Variants in SLC25A48 observed in about 807,000 individuals in gnomAD.
SLC25A48 encodes the protein CTC-321K16.1.
SLC25A48 carries 29 observed loss-of-function variants against 32.2 expected under a neutral mutation model. The ratio of observed to expected loss-of-function variants is 0.90; its 90% CI spans 0.67 to 1.23. SLC25A48 has a LOEUF of 1.23. SLC25A48 is among the 50% of genes most tolerant of loss of function. The probability of loss-of-function intolerance (pLI) is 0.00; values close to 1 mark genes in which losing one functional copy is unlikely to be tolerated. For synonymous variants in SLC25A48, 164 were observed against 172.3 expected, an observed-to-expected ratio of 0.95 and a Z score of 0.38; for missense variants, 399 against 422.7, an observed-to-expected ratio of 0.94 and a Z score of 0.49.
rs148264903 is a variant in SLC25A48 at position 135,655,600 on chromosome 5, G to A, written c.-521+20644G>A. Among the ~76,000 whole-genome samples, 44 of 152,308 alleles carry A rather than the reference G, an allele frequency of 2.9e-4. No individual in the cohort carries two copies. In the South Asian group the frequency reaches 2.9e-3, roughly 10 times the overall value. ...CATAGTACGCTCTACATCAGCCCTG[G>A]TGGTCTTCAGTGTGGGGACAGATTT... On this transcript the variant is annotated intron_variant, in intron 3 of 10. Transcript: ENST00000646290.
chr5:135,643,918 G>A (rs1752898153), intron 3 of SLC25A48, among the ~76,000 whole-genome samples: 1 of 152,172 alleles, frequency 6.6e-6, no homozygotes, highest in South Asian at 2.1e-4. Context: ...AGAGAGCTAA[G>A]TAACTTGACC....
intron 1 of SLC25A48, among the ~76,000 whole-genome samples, chr5:135,583,065 C>T (rs557582244): frequency 3.9e-5 from 6 of 152,234 alleles, no homozygotes; most frequent in African/African-American, 1.4e-4. Flanking sequence ...AGCAGGGGTT[C>T]ACTCCCTATC....
chr5:135,802,015 C>G (rs527421265), intron 3 of SLC25A48, among the ~76,000 whole-genome samples: 1 of 151,782 alleles, frequency 6.6e-6, no homozygotes, highest in Non-Finnish European at 1.5e-5. Flanking sequence ...AGATAAGATG[C>G]TATTACACCC....
intron 3 of SLC25A48, among the ~76,000 whole-genome samples, chr5:135,794,019 G>A (rs923892201): frequency 7.9e-5 from 12 of 151,816 alleles, no homozygotes; most frequent in Non-Finnish European, 1.5e-4. Flanking sequence ...TAATATTCAG[G>A]GGGGAAATTA....
rs1178102152 is a variant in SLC25A48 at position 135,785,017 on chromosome 5, G to T, written c.-520-27506G>T. 1.3e-5 allele frequency among the ~76,000 whole-genome samples: 2 copies of T among 150,852 alleles called. 1 individual carries two copies. Among genetic ancestry groups the T allele is most frequent in the Non-Finnish European group, 3.0e-5 (2 of 67,580 alleles). Reference sequence around the variant, plus strand: ...ACAAATATTTTTCTTAATATCATAAGGTGGACAGGATGATATTACTCCCAA... The same window carrying T: ...ACAAATATTTTTCTTAATATCATAATGTGGACAGGATGATATTACTCCCAA... On this transcript the variant is annotated intron_variant, in intron 3 of 10. Coordinates refer to the SLC25A48 transcript ENST00000646290.
intron 3 of SLC25A48, among the ~76,000 whole-genome samples, chr5:135,664,254 C>G (rs1207290978): frequency 6.6e-6 from 1 of 152,238 alleles, no homozygotes; most frequent in African/African-American, 2.4e-5. Flanking sequence ...ATTCTGACCA[C>G]CTTGGCTTTG....
intron 3 of SLC25A48, among the ~76,000 whole-genome samples, chr5:135,793,429 C>T: frequency 6.6e-6 from 1 of 151,614 alleles, no homozygotes; most frequent in Non-Finnish European, 1.5e-5. Flanking sequence ...TTTGTTTACA[C>T]CATATTTGTA....
chr5:135,689,135 A>G lies in SLC25A48; in HGVS notation c.-521+54179A>G, dbSNP rs996893324. ...TTGCTGCTTCTGATCATTGGTTTGC[A>G]TGAAATCAATGAGATAAGCCAAATA... On this transcript the variant is annotated intron_variant, in intron 3 of 10. Transcript: ENST00000646290. Among the ~76,000 whole-genome samples, 3 of 152,206 alleles carry G rather than the reference A, an allele frequency of 2.0e-5. No homozygotes were observed. In the East Asian group the frequency reaches 5.8e-4, roughly 29 times the overall value.
chr5:135,843,620 C>T lies in SLC25A48; in HGVS notation c.90+1161C>T, dbSNP rs531173647. 4.6e-5 allele frequency among the ~76,000 whole-genome samples: 7 copies of T among 152,290 alleles called. No homozygotes were observed. The South Asian group carries it at 1.5e-3, about 32-fold the overall frequency. On this transcript the variant is annotated intron_variant, in intron 2 of 7. Coordinates refer to ENST00000681962, the MANE Select transcript of SLC25A48 (RefSeq NM_001349336.2). ...TATTTTGAAGAGTCAGGGATGGCCT[C>T]TCTGCCAGGGAGGCAGCTAAGTTGA...
intron 3 of SLC25A48, among the ~76,000 whole-genome samples, chr5:135,741,174 G>A (rs1183208461): frequency 6.6e-6 from 1 of 152,140 alleles, no homozygotes; most frequent in African/African-American, 2.4e-5. Context: ...TCACAGCAGT[G>A]GTGTGGATGG....
intron 3 of SLC25A48, among the ~76,000 whole-genome samples, chr5:135,696,915 T>C (rs1754281184): frequency 6.6e-6 from 1 of 152,128 alleles, no homozygotes; most frequent in Non-Finnish European, 1.5e-5. Flanking sequence ...GGATGAGGCA[T>C]TGGACAATTA....
intron 1 of SLC25A48, among the ~76,000 whole-genome samples, chr5:135,622,877 TA>T (rs1437486180): frequency 1.3e-5 from 2 of 152,222 alleles, no homozygotes; most frequent in Admixed American, 6.5e-5. Flanking sequence ...CTGGATTTAA[TA>T]GATCAGTGAA....
chr5:135,712,319 C>T (rs1372489312), intron 3 of SLC25A48, among the ~76,000 whole-genome samples: 1 of 152,188 alleles, frequency 6.6e-6, no homozygotes, highest in Non-Finnish European at 1.5e-5. Flanking sequence ...TGCTCCACCT[C>T]TACTCCTATC....
intron 3 of SLC25A48, among the ~76,000 whole-genome samples, chr5:135,681,875 C>T (rs1753906376): frequency 6.6e-6 from 1 of 152,136 alleles, no homozygotes; most frequent in South Asian, 2.1e-4. Context: ...GAGGTTCTTC[C>T]ACTCTGGCAT....
At chr5:135,762,991 C>T (rs1406348383) in intron 3 of SLC25A48, among the ~76,000 whole-genome samples, 12 of 151,628 alleles carry the variant, frequency 7.9e-5, no homozygotes, top group African/African-American at 2.4e-4. Context: ...TATATGTGAA[C>T]GTGAGAGAGT....
chr5:135,772,447 G>A (rs1385488655), intron 3 of SLC25A48, among the ~76,000 whole-genome samples: 1 of 151,642 alleles, frequency 6.6e-6, no homozygotes, highest in South Asian at 2.1e-4. Context: ...CGTTGTGGGT[G>A]TACAGCCTTC....
intron 3 of SLC25A48, among the ~76,000 whole-genome samples, chr5:135,706,626 C>T (rs904022425): frequency 1.1e-4 from 16 of 152,130 alleles, no homozygotes; most frequent in South Asian, 2.1e-4. Context: ...ATGTGGTGTG[C>T]GCATGGAGAA....
In SLC25A48 at chr5:135,732,860, G is replaced by A. The variant is rs1755262637; in HGVS notation, c.-520-79663G>A. Among the ~76,000 whole-genome samples the A allele has an allele frequency of 3.3e-5, 5 of 152,196 alleles. No individual in the cohort carries two copies. The South Asian group carries it at 1.0e-3, about 32-fold the overall frequency. ...AGGGATAGAAGTTGGAAAGCTAGCT[G>A]CTTTTTTAGCTACCTTATCAGCATA... On this transcript the variant is annotated intron_variant, in intron 3 of 10. Coordinates refer to the SLC25A48 transcript ENST00000646290.
intron 1 of SLC25A48, among the ~76,000 whole-genome samples, chr5:135,619,818 G>A (rs1752280188): frequency 6.6e-6 from 1 of 152,092 alleles, no homozygotes; most frequent in Non-Finnish European, 1.5e-5. Flanking sequence ...GTTAGGGGAG[G>A]CTATGGTGAA....
Sources: allele counts gnomAD v4.1 joint callset (sites outside exome capture counted in the v4.1 genomes callset), GRCh38; gene constraint gnomAD v4.1.1; transcripts MANE v1.5; gene names NCBI Gene and HGNC (gene_info 2026-07-23, HGNC 2026-07-21).